FBF1: variants seen among roughly 807,000 people sequenced by gnomAD.
The protein encoded by FBF1 is fas-binding factor 1.
FBF1 carries 119 observed loss-of-function variants against 147.2 expected under a neutral mutation model. That is an observed-to-expected ratio of 0.81 (90% confidence interval 0.70 to 0.94). The LOEUF (loss-of-function observed/expected upper bound fraction) is 0.94. FBF1 is among the 40% of genes least tolerant of loss of function. The probability of loss-of-function intolerance (pLI) is 0.00; values close to 1 mark genes in which losing one functional copy is unlikely to be tolerated. For missense variants in FBF1, 1,449 were observed against 1,500.8 expected (o/e 0.97, Z 0.57); for synonymous variants, 601 against 609.0 (o/e 0.99, Z 0.19).
At position 75,919,831 on chromosome 17, in the gene FBF1, C is replaced by T. The variant is rs753498415; in HGVS notation, c.1975G>A (p.Glu659Lys). The T allele has an allele frequency of 1.2e-5, 19 of 1,613,742 alleles. No homozygotes were observed. Among genetic ancestry groups the T allele is most frequent in the Non-Finnish European group, 1.4e-5 (16 of 1,179,904 alleles). The change falls in exon 20 of 30, where the codon GAG (glutamate) becomes AAG (lysine). Residue 659 changes from glutamate to lysine, a missense_variant. By Grantham distance (56) the Glu-to-Lys change is moderately conservative. Coordinates refer to ENST00000636174, the MANE Select transcript of FBF1 (RefSeq NM_001319193.2). This position sits in a 1 kb window ranked among gnomAD's most constrained non-coding sequence, Gnocchi z 5.0. The stretch of plus-strand genomic sequence containing the variant: ...TCTTCGTTCTCTCTCCGGAGCCGCT[C>T]CTCCCGTTGCTGGTACGATGTTTCT... ...VLETSYQQRE[E>K]RLRRENEELS...
In FBF1 at chr17:75,918,382, C is replaced by T. The variant is rs577358023; in HGVS notation, c.2139-113G>A. Reference sequence around the variant, plus strand: ...AGCCCTTGCTCCCAGGCCTCTCCTCCGCCGGGCACTGCCTCAGTTTCCCCA... The same window carrying T: ...AGCCCTTGCTCCCAGGCCTCTCCTCTGCCGGGCACTGCCTCAGTTTCCCCA... On this transcript the variant is annotated intron_variant, in intron 20 of 29. Coordinates refer to ENST00000636174, the MANE Select transcript of FBF1 (RefSeq NM_001319193.2). The surrounding 1 kb of genome is among the most constrained non-coding windows in gnomAD (Gnocchi z 5.8). The T allele has an allele frequency of 6.7e-4, 536 of 802,904 alleles. 1 individual carries two copies. Among genetic ancestry groups the T allele is most frequent in the South Asian group, 1.3e-3 (71 of 54,840 alleles). The allele number at this position is 802,904 out of a possible 1,614,324, so 49.7% of individuals were successfully genotyped here.
rs1292235178 is a variant in FBF1 at position 75,918,942 on chromosome 17, T to TAAA, written c.2139-674_2139-673insTTT. 6.6e-6 allele frequency among the ~76,000 whole-genome samples: 1 copy of TAAA among 151,856 alleles called. No homozygotes were observed. The highest frequency in any genetic ancestry group is 1.5e-5 in the Non-Finnish European group (1 of 67,952). ...TTAAATGTTTTTAGAGACAGGGTTTTGTTCTGTGGTCCAGGCTGGAGTGCA... is the reference window on the plus strand; with the variant it reads ...TTAAATGTTTTTAGAGACAGGGTTTTAAAGTTCTGTGGTCCAGGCTGGAGTGCA... On this transcript the variant is annotated intron_variant, in intron 20 of 29. Coordinates refer to ENST00000636174, the MANE Select transcript of FBF1 (RefSeq NM_001319193.2). The surrounding 1 kb of genome is among the most constrained non-coding windows in gnomAD (Gnocchi z 5.8).
Position 75,928,721 on chromosome 17 carries a change from T to A in FBF1, c.280-528A>T, listed in dbSNP as rs1598159424. ...TACTTGGGAGGCTGAGGTAGGAGAA[T>A]CGCTTGAACCTGGGAGGTGGAGGTT... On this transcript the variant is annotated intron_variant, in intron 7 of 29. Coordinates refer to ENST00000636174, the MANE Select transcript of FBF1 (RefSeq NM_001319193.2). This position sits in a 1 kb window ranked among gnomAD's most constrained non-coding sequence, Gnocchi z 4.2. 6.6e-6 allele frequency among the ~76,000 whole-genome samples: 1 copy of A among 151,944 alleles called. No homozygotes were observed. The highest frequency in any genetic ancestry group is 1.9e-4 in the East Asian group (1 of 5,152).
rs2065543058 is a variant in FBF1 at position 75,923,649 on chromosome 17, AC to A, written c.969-9del. 1 of 1,585,050 alleles carries A rather than the reference AC, an allele frequency of 6.3e-7. No homozygotes were observed. The highest frequency in any genetic ancestry group is 8.6e-7 in the Non-Finnish European group (1 of 1,164,824). On this transcript the variant is annotated splice_polypyrimidine_tract_variant and intron_variant, in intron 13 of 29. Transcript: ENST00000636174. The surrounding 1 kb of genome is among the most constrained non-coding windows in gnomAD (Gnocchi z 4.1). ...CTGTCTGCGAAGAACCTACTTCAAG[AC>A]AGAAAGGAGGGTGTCAGGCAGGGGA...
At chr17:75,937,470 C>G in intron 3 of FBF1, 96 bp downstream of exon 3, 1 of 1,496,032 alleles carries the variant, frequency 6.7e-7, no homozygotes, top group South Asian at 1.1e-5. Context: ...GTGCCCGGCC[C>G]AAAAACATTT....
At position 75,921,176 on chromosome 17, in the gene FBF1, G is replaced by A. The variant is rs2065523676; in HGVS notation, c.1674+68C>T. The A allele has an allele frequency of 1.6e-5, 23 of 1,479,664 alleles. No individual in the cohort carries two copies. The South Asian group carries it at 2.5e-4, about 16-fold the overall frequency. 91.7% of individuals were successfully genotyped at this position (1,479,664 alleles called of 1,614,324 possible). ...GGCAGGTCGTCAGGTCAAACTGTGG[G>A]TATTGCCCCTGGGCATGGAGAATTG... On this transcript the variant is annotated intron_variant, in intron 17 of 29. Coordinates refer to ENST00000636174, the MANE Select transcript of FBF1 (RefSeq NM_001319193.2).
intron 29 of FBF1, among the ~76,000 whole-genome samples, 195 bp from the exon 30 acceptor site, chr17:75,911,001 A>G (rs1457396320): frequency 6.6e-6 from 1 of 152,258 alleles, no homozygotes; most frequent in East Asian, 1.9e-4. Context: ...AATCCTGGCA[A>G]GGTTACTTGT....
In FBF1 at chr17:75,925,505, G is replaced by T; in HGVS notation, c.869-59C>A. On this transcript the variant is annotated intron_variant, in intron 12 of 29. Transcript: ENST00000636174. This position sits in a 1 kb window ranked among gnomAD's most constrained non-coding sequence, Gnocchi z 5.0. ...AGTAGGGGAACCAAGCTCATTTGCG[G>T]CTGCAAAATTCTAACAAAAGCTGAA... 1 of 1,464,038 alleles carries T rather than the reference G, an allele frequency of 6.8e-7. No homozygotes were observed. The highest frequency in any genetic ancestry group is 9.4e-7 in the Non-Finnish European group (1 of 1,068,728). The allele number at this position is 1,464,038 out of a possible 1,614,324, so 90.7% of individuals were successfully genotyped here.
Position 75,910,342 on chromosome 17 carries a change from A to T in FBF1, c.*381T>A. The T allele has an allele frequency of 3.1e-6, 1 of 322,268 alleles. No homozygotes were observed. Among genetic ancestry groups the T allele is most frequent in the Non-Finnish European group, 6.0e-6 (1 of 167,244 alleles). The allele number at this position is 322,268 out of a possible 1,614,324, so 20.0% of individuals were successfully genotyped here. On this transcript the variant is annotated 3_prime_UTR_variant, in exon 30 of 30. Coordinates refer to ENST00000636174, the MANE Select transcript of FBF1 (RefSeq NM_001319193.2). The surrounding 1 kb of genome is among the most constrained non-coding windows in gnomAD (Gnocchi z 4.1). ...CCCTCAAGAAAGCTCCTGCCTCAGA[A>T]GAGGCCCAGGCAAAAAGAGCCCACA...
intron 3 of FBF1, 106 bp downstream of exon 3, chr17:75,937,460 G>A (rs778284945): frequency 1.3e-4 from 170 of 1,349,342 alleles, no homozygotes; most frequent in South Asian, 1.3e-4. Flanking sequence ...GTGAGCCACC[G>A]TGCCCGGCCC....
chr17:75,935,675 T>A lies in FBF1; in HGVS notation c.32-2A>T, dbSNP rs1201222563. Reference sequence around the variant, plus strand: ...CACCAAGAAAATCATCAATGGAGCCTGGAACAGAAAAGGGACTGTCATGAC... The same window carrying A: ...CACCAAGAAAATCATCAATGGAGCCAGGAACAGAAAAGGGACTGTCATGAC... On this transcript the variant is annotated splice_acceptor_variant, in intron 3 of 29. Coordinates refer to ENST00000636174, the MANE Select transcript of FBF1 (RefSeq NM_001319193.2). LOFTEE classifies it high-confidence loss of function. The A allele has an allele frequency of 2.6e-6, 4 of 1,536,752 alleles. No individual in the cohort carries two copies. The Admixed American group carries it at 7.9e-5, about 30-fold the overall frequency.
intron 3 of FBF1, among the ~76,000 whole-genome samples, chr17:75,936,575 T>C (rs1304088384): frequency 6.6e-6 from 1 of 151,950 alleles, no homozygotes; most frequent in Non-Finnish European, 1.5e-5. Context: ...CTGGGGAGGC[T>C]GAGGCAGAAG....
intron 9 of FBF1, among the ~76,000 whole-genome samples, 153 bp from the exon 10 acceptor site, chr17:75,927,030 G>A (rs530000161): frequency 2.0e-5 from 3 of 152,278 alleles, no homozygotes; most frequent in African/African-American, 2.4e-5. Context: ...CTGGGGCAAC[G>A]GGGACTCCAC....
chr17:75,939,906 T>G (rs1401458392), intron 1 of FBF1: 2 of 152,212 alleles, frequency 1.3e-5, no homozygotes, highest in Non-Finnish European at 2.9e-5. Context: ...GCAAGGGTTA[T>G]CTGGGCTTAC....
chr17:75,912,439 C>T, intron 28 of FBF1, 132 bp from the exon 29 acceptor site: 1 of 617,040 alleles, frequency 1.6e-6, no homozygotes, highest in Non-Finnish European at 2.8e-6. Flanking sequence ...TGCAATGGCA[C>T]TAACTCTCAG....
intron 23 of FBF1, among the ~76,000 whole-genome samples, chr17:75,916,936 T>C (rs1344904091): frequency 6.6e-6 from 1 of 152,248 alleles, no homozygotes; most frequent in African/African-American, 2.4e-5. Flanking sequence ...CTGCAGCCTC[T>C]GTGTCCTAGA....
In FBF1 at chr17:75,925,253, G is replaced by T; in HGVS notation, c.968+94C>A. 1.1e-6 allele frequency: 1 copy of T among 929,216 alleles called. No homozygotes were observed. Among genetic ancestry groups the T allele is most frequent in the Non-Finnish European group, 1.6e-6 (1 of 620,980 alleles). The allele number at this position is 929,216 out of a possible 1,614,324, so 57.6% of individuals were successfully genotyped here. On this transcript the variant is annotated intron_variant, in intron 13 of 29. Coordinates refer to ENST00000636174, the MANE Select transcript of FBF1 (RefSeq NM_001319193.2). The surrounding 1 kb of genome is among the most constrained non-coding windows in gnomAD (Gnocchi z 5.0). ...TTGTACCCTGTGGCCTCCCACATGA[G>T]ACTCTCGGGTGGGACAGGGGACAGC...
At position 75,917,918 on chromosome 17, in the gene FBF1, G is replaced by A; in HGVS notation, c.2386+13C>T. 1.3e-6 allele frequency: 2 copies of A among 1,593,330 alleles called. No individual in the cohort carries two copies. Among genetic ancestry groups the A allele is most frequent in the South Asian group, 1.1e-5 (1 of 88,626 alleles). ...CCACCAGGAGCCGGGGTGGCTGAGA[G>A]GGGAGGGCGTACCCCGCAGCTGCTC... On this transcript the variant is annotated intron_variant, in intron 22 of 29. Coordinates refer to ENST00000636174, the MANE Select transcript of FBF1 (RefSeq NM_001319193.2).
chr17:75,912,407 G>GAGC, intron 28 of FBF1, 100 bp from the exon 29 acceptor site: 1 of 842,488 alleles, frequency 1.2e-6, no homozygotes, highest in Non-Finnish European at 1.8e-6. Flanking sequence ...CCAGTGGGTG[G>GAGC]ACCCTGGCCA....
Sources: allele counts gnomAD v4.1 joint callset (sites outside exome capture counted in the v4.1 genomes callset), GRCh38; gene constraint gnomAD v4.1.1; non-coding constraint Gnocchi (gnomAD v3.1); transcripts MANE v1.5; gene names NCBI Gene and HGNC (gene_info 2026-07-23, HGNC 2026-07-21).